GLT1D1: variants seen among roughly 807,000 people sequenced by gnomAD.
The protein encoded by GLT1D1 is glycosyltransferase 1 domain-containing protein 1.
In GLT1D1, 21 loss-of-function variants were observed where a neutral mutation model predicts 28.7. That is an observed-to-expected ratio of 0.73 (90% CI 0.52 to 1.05). GLT1D1 has a LOEUF of 1.05. GLT1D1 is among the 50% of genes least tolerant of loss of function. The pLI is 0.00. For synonymous variants in GLT1D1, 147 were observed against 124.8 expected (o/e 1.18, Z -1.19); for missense variants, 343 against 330.6 (o/e 1.04, Z -0.29).
intron 4 of GLT1D1, among the ~76,000 whole-genome samples, chr12:128,906,153 T>TA (rs1870849930): frequency 6.6e-6 from 1 of 152,316 alleles, no homozygotes; most frequent in South Asian, 2.1e-4. Flanking sequence ...TCTGATATTA[T>TA]AATATTGATT....
rs776815903 is a variant in GLT1D1, at chr12:128,876,042, G to A, written c.197G>A (p.Arg66Lys). 8.1e-6 allele frequency: 13 copies of A among 1,606,774 alleles called. No individual in the cohort carries two copies. Among genetic ancestry groups the A allele is most frequent in the East Asian group, 2.2e-5 (1 of 44,820 alleles). ...GCTGCCCTGGCTCTTCATCTCTATAGGGGAGGCAGGCTTTTGCAAGGTAAT... is the reference window on the plus strand; with the variant it reads ...GCTGCCCTGGCTCTTCATCTCTATAAGGGAGGCAGGCTTTTGCAAGGTAAT... Residue 66 changes from arginine (R) to lysine (K), a missense_variant, in exon 2 of 8, where the codon AGG becomes AAG. Physicochemically the swap from Arg to Lys is conservative, Grantham distance 26. Coordinates refer to ENST00000281703, the MANE Select transcript of GLT1D1 (RefSeq NM_144669.3).
intron 1 of GLT1D1, among the ~76,000 whole-genome samples, chr12:128,866,678 T>G (rs1365980808): frequency 2.0e-5 from 3 of 151,248 alleles, no homozygotes; most frequent in Non-Finnish European, 4.4e-5. Context: ...TGGAGTATAG[T>G]GGCACGATCT....
At chr12:128,930,845 C>T (rs777767441) in intron 4 of GLT1D1, among the ~76,000 whole-genome samples, 1 of 152,198 alleles carries the variant, frequency 6.6e-6, no homozygotes, top group Non-Finnish European at 1.5e-5. Context: ...ACTCAGCTGC[C>T]TGCCGGTGAG....
At chr12:128,909,643 T>C (rs1292198503) in intron 4 of GLT1D1, among the ~76,000 whole-genome samples, 1 of 152,202 alleles carries the variant, frequency 6.6e-6, no homozygotes, top group African/African-American at 2.4e-5. Context: ...AAAGTTTAAT[T>C]TTAGAAGGTG....
At chr12:128,972,807 G>C (rs1379204279) in intron 7 of GLT1D1, among the ~76,000 whole-genome samples, 1 of 152,192 alleles carries the variant, frequency 6.6e-6, no homozygotes, top group Non-Finnish European at 1.5e-5. Context: ...CAAATTTAAA[G>C]ATTGTATACA....
intron 3 of GLT1D1, 43 bp downstream of exon 3, chr12:128,888,787 G>C: frequency 7.7e-7 from 1 of 1,292,616 alleles, no homozygotes; most frequent in Non-Finnish European, 1.1e-6. Flanking sequence ...CATTTAAACT[G>C]TGTGAATTGA....
intron 1 of GLT1D1, among the ~76,000 whole-genome samples, chr12:128,870,952 C>T (rs1348512171): frequency 6.6e-6 from 1 of 152,134 alleles, no homozygotes; most frequent in Admixed American, 6.6e-5. Context: ...GATTATGCCA[C>T]TGCACTCCAG....
intron 2 of GLT1D1, among the ~76,000 whole-genome samples, chr12:128,879,366 T>C (rs1459374317): frequency 7.7e-6 from 1 of 129,672 alleles, no homozygotes; most frequent in African/African-American, 3.2e-5. Flanking sequence ...GTGATACTTA[T>C]TATTTTTTTC....
intron 4 of GLT1D1, among the ~76,000 whole-genome samples, chr12:128,936,967 A>C (rs541868503): frequency 6.6e-6 from 1 of 152,206 alleles, no homozygotes. Context: ...AATCCAGAAA[A>C]ATTTAATGCA....
intron 4 of GLT1D1, 150 bp from the exon 7 acceptor site, chr12:128,926,208 TA>T (rs1873192469): frequency 5.3e-6 from 1 of 188,940 alleles, no homozygotes; most frequent in African/African-American, 2.6e-5. Flanking sequence ...ATAATAATAA[TA>T]ATAATAATAA....
intron 1 of GLT1D1, among the ~76,000 whole-genome samples, chr12:128,856,360 A>T (rs761563419): frequency 1.3e-5 from 2 of 152,138 alleles, no homozygotes; most frequent in Admixed American, 6.6e-5. Context: ...ACCATCTGTG[A>T]TTGCAGCCCA....
chr12:128,900,904 G>A (rs1437116695), intron 4 of GLT1D1, among the ~76,000 whole-genome samples: 1 of 151,692 alleles, frequency 6.6e-6, no homozygotes, highest in African/African-American at 2.4e-5. Flanking sequence ...CCAAAGTGTT[G>A]GGGCTACAGG....
intron 4 of GLT1D1, 33 bp from the exon 9 acceptor site, chr12:128,945,293 C>T (rs756583986): frequency 1.3e-5 from 21 of 1,611,652 alleles, no homozygotes; most frequent in African/African-American, 2.7e-5. Flanking sequence ...TAGCAGGCGG[C>T]GACCGCTGAC....
chr12:128,958,805 T>C (rs1877580680), intron 7 of GLT1D1, among the ~76,000 whole-genome samples: 1 of 145,132 alleles, frequency 6.9e-6, no homozygotes, highest in South Asian at 2.2e-4. Context: ...CGTATGCCTC[T>C]TGTTAGGCAG....
rs554707612 is a variant in GLT1D1 at position 128,856,881 on chromosome 12, C to T, written c.68+3232C>T. Among the ~76,000 whole-genome samples the T allele has an allele frequency of 4.0e-5, 6 of 148,654 alleles. No individual in the cohort carries two copies. In the South Asian group the frequency reaches 6.3e-4, roughly 16 times the overall value. On this transcript the variant is annotated intron_variant, in intron 1 of 7. Transcript: ENST00000281703. ...TCTCGGGAGGCAGAGGCTCAAGAAT[C>T]GCTTGACCTGCAAGGCGGAGGTTGC...
chr12:128,964,315 A>G (rs1156449032), intron 7 of GLT1D1, among the ~76,000 whole-genome samples: 2 of 152,150 alleles, frequency 1.3e-5, no homozygotes, highest in Non-Finnish European at 2.9e-5. Flanking sequence ...CCTGAGAGGT[A>G]GAGGCTGCAA....
At chr12:128,961,477 A>C (rs558667005) in intron 7 of GLT1D1, among the ~76,000 whole-genome samples, 5 of 152,324 alleles carry the variant, frequency 3.3e-5, no homozygotes, top group Non-Finnish European at 7.4e-5. Context: ...AGTACTATTC[A>C]GCCATAAAAA....
At chr12:128,858,525 AGCTGGGCGTGGTG>A (rs1254502721) in intron 1 of GLT1D1, among the ~76,000 whole-genome samples, 1 of 152,132 alleles carries the variant, frequency 6.6e-6, no homozygotes, top group Non-Finnish European at 1.5e-5. Context: ...TACCAAAATT[AGCTGGGCGTGGTG>A]GCACACACCT....
intron 4 of GLT1D1, among the ~76,000 whole-genome samples, chr12:128,914,691 G>A (rs1306180641): frequency 6.6e-6 from 1 of 151,824 alleles, no homozygotes; most frequent in African/African-American, 2.4e-5. Flanking sequence ...GTGGCAGCGG[G>A]CGCCTATACT....
Sources: gnomAD v4.1 joint callset for allele counts (sites outside exome capture counted in the v4.1 genomes callset) on GRCh38, gnomAD v4.1.1 for gene constraint, MANE v1.5 for transcripts, NCBI Gene and HGNC (gene_info 2026-07-23, HGNC 2026-07-21) for gene names.